Variants in SMURF2 observed in about 807,000 individuals in gnomAD.
The protein encoded by SMURF2 is SMAD specific E3 ubiquitin protein ligase 2.
In SMURF2, 48 loss-of-function variants were observed where a neutral mutation model predicts 109.6. The ratio of observed to expected loss-of-function variants is 0.44; its 90% CI spans 0.35 to 0.56. The LOEUF is 0.56. SMURF2 is among the 20% of genes least tolerant of loss of function. SMURF2 has a pLI of 0.01. For missense variants in SMURF2, 575 were observed against 909.0 expected (o/e 0.63, Z 4.72); for synonymous variants, 288 against 317.1 (o/e 0.91, Z 0.97).
chr17:64,617,008 A>AC (rs1970132870), intron 1 of SMURF2, among the ~76,000 whole-genome samples: 1 of 145,696 alleles, frequency 6.9e-6, no homozygotes. Flanking sequence ...CTGAGCCTGC[A>AC]GTAAGCCATG....
intron 1 of SMURF2, among the ~76,000 whole-genome samples, chr17:64,635,091 C>A (rs1255598370): frequency 3.3e-5 from 5 of 152,042 alleles, no homozygotes; most frequent in African/African-American, 1.2e-4. Context: ...CTTTGGGAGG[C>A]CAGGGTGAGT....
In SMURF2 at chr17:64,583,592, A is replaced by G. The variant is rs782760765; in HGVS notation, c.486-48T>C. On this transcript the variant is annotated intron_variant, in intron 6 of 18. Coordinates refer to ENST00000262435, the MANE Select transcript of SMURF2 (RefSeq NM_022739.4). ...TAAGGCATTAATAGGAAACTTGGACACAGTGCAACAAGCAAGCCAGTAAGA... is the reference window on the plus strand; with the variant it reads ...TAAGGCATTAATAGGAAACTTGGACGCAGTGCAACAAGCAAGCCAGTAAGA... 4.9e-6 allele frequency: 7 copies of G among 1,420,268 alleles called. No homozygotes were observed. The African/African-American group carries it at 9.8e-5, about 20-fold the overall frequency. 88.0% of individuals were successfully genotyped at this position (1,420,268 alleles called of 1,614,324 possible).
intron 1 of SMURF2, among the ~76,000 whole-genome samples, chr17:64,659,441 C>T (rs1225195532): frequency 6.6e-6 from 1 of 151,610 alleles, no homozygotes; most frequent in African/African-American, 2.4e-5. Flanking sequence ...TTAGGCAACC[C>T]AGATCTAAAT....
chr17:64,544,013 T>C lies in SMURF2; in HGVS notation c.*1835A>G, dbSNP rs1174460402. 1 of 152,216 alleles carries C rather than the reference T, an allele frequency of 6.6e-6. No homozygotes were observed. Among genetic ancestry groups the C allele is most frequent in the Non-Finnish European group, 1.5e-5 (1 of 68,034 alleles). The allele number at this position is 152,216 out of a possible 1,614,324, so 9.4% of individuals were successfully genotyped here. On this transcript the variant is annotated 3_prime_UTR_variant, in exon 19 of 19. Coordinates refer to ENST00000262435, the MANE Select transcript of SMURF2 (RefSeq NM_022739.4). The stretch of plus-strand genomic sequence containing the variant: ...ACTATGACTAGCTTGCTTGTGGCAG[T>C]TGAATTTGGCCAAATGAAATACATT...
rs570803272 is a variant in SMURF2 at position 64,619,768 on chromosome 17, C to T, written c.53-13128G>A. ...ACTAATCCTATTCATGAAGGCTCCA[C>T]CCTCATGACCTCATTACCTCCCAAA... On this transcript the variant is annotated intron_variant, in intron 1 of 18. Coordinates refer to ENST00000262435, the MANE Select transcript of SMURF2 (RefSeq NM_022739.4). Among the ~76,000 whole-genome samples, 54 of 152,146 alleles carry T rather than the reference C, an allele frequency of 3.5e-4. 1 individual carries two copies. Among genetic ancestry groups the T allele is most frequent in the African/African-American group, 1.3e-3 (53 of 41,516 alleles).
chr17:64,595,532 G>A (rs1204078235), intron 3 of SMURF2, among the ~76,000 whole-genome samples: 1 of 152,176 alleles, frequency 6.6e-6, no homozygotes, highest in African/African-American at 2.4e-5. Flanking sequence ...AGGATGTTTT[G>A]TTGAAAGGGA....
intron 1 of SMURF2, among the ~76,000 whole-genome samples, chr17:64,655,685 G>A (rs868021767): frequency 8.2e-4 from 125 of 151,994 alleles, no homozygotes; most frequent in African/African-American, 2.7e-3. Context: ...TCAGGAGTTC[G>A]AGACCAATCT....
intron 1 of SMURF2, among the ~76,000 whole-genome samples, chr17:64,642,506 G>C (rs1555692656): frequency 6.6e-6 from 1 of 152,134 alleles, no homozygotes; most frequent in Non-Finnish European, 1.5e-5. Flanking sequence ...AAACAAAAAT[G>C]AGTGAGCCAT....
chr17:64,594,818 C>G (rs1555687952), intron 3 of SMURF2, among the ~76,000 whole-genome samples: 2 of 152,062 alleles, frequency 1.3e-5, no homozygotes. Flanking sequence ...GAAACCCTGT[C>G]TCTACTAAAA....
chr17:64,615,304 C>G (rs1488616293), intron 1 of SMURF2, among the ~76,000 whole-genome samples: 1 of 152,144 alleles, frequency 6.6e-6, no homozygotes, highest in Non-Finnish European at 1.5e-5. Flanking sequence ...TTCCTTCACC[C>G]CACAAAAAGA....
rs189977353 is a variant in SMURF2, at chr17:64,628,300, G to A, written c.53-21660C>T. 2.6e-5 allele frequency among the ~76,000 whole-genome samples: 4 copies of A among 152,220 alleles called. No individual in the cohort carries two copies. The East Asian group carries it at 7.7e-4, about 29-fold the overall frequency. On this transcript the variant is annotated intron_variant, in intron 1 of 18. Transcript: ENST00000262435. ...AAGAGAATACTCAGAAAACTCAAAC[G>A]TTTGGACCAGATTCAAAGGCTGGAG...
intron 11 of SMURF2, 135 bp downstream of exon 11, chr17:64,562,636 C>T (rs1473036820): frequency 2.5e-6 from 2 of 790,194 alleles, no homozygotes; most frequent in Non-Finnish European, 3.9e-6. Context: ...CCTCAGCCTC[C>T]CAAAGTGCTG....
chr17:64,613,672 C>CTGTGTGTG lies in SMURF2; in HGVS notation c.53-7033_53-7032insCACACACA, dbSNP rs1568195473. ...CATGGAAGACAAGTTTTCCACGGACCAGTGTGTGTGTGTGTGTGTGTGTGT... is the reference window on the plus strand; with the variant it reads ...CATGGAAGACAAGTTTTCCACGGACCTGTGTGTGAGTGTGTGTGTGTGTGTGTGTGTGT... On this transcript the variant is annotated intron_variant, in intron 1 of 18. Transcript: ENST00000262435. Among the ~76,000 whole-genome samples, 8 of 53,690 alleles carry CTGTGTGTG rather than the reference C, an allele frequency of 1.5e-4. No individual in the cohort carries two copies. In the Admixed American group the frequency reaches 1.8e-3, roughly 12 times the overall value. 35.2% of individuals were successfully genotyped at this position (53,690 alleles called of 152,430 possible). A position where few individuals can be genotyped will look rare whatever the true frequency, so the allele number is the denominator to read the frequency against.
intron 1 of SMURF2, among the ~76,000 whole-genome samples, chr17:64,658,374 A>G (rs916109937): frequency 5.3e-5 from 8 of 152,236 alleles, no homozygotes; most frequent in African/African-American, 1.9e-4. Context: ...TAAAGTCATT[A>G]TGATGTATAG....
At chr17:64,591,475 C>T (rs1403851765) in intron 4 of SMURF2, among the ~76,000 whole-genome samples, 1 of 152,136 alleles carries the variant, frequency 6.6e-6, no homozygotes, top group Non-Finnish European at 1.5e-5. Flanking sequence ...GCCAAACTCT[C>T]AGCATAGTGC....
At chr17:64,576,453 C>T (rs1308549911) in intron 9 of SMURF2, among the ~76,000 whole-genome samples, 1 of 151,924 alleles carries the variant, frequency 6.6e-6, no homozygotes, top group Non-Finnish European at 1.5e-5. Context: ...CACCTGAGGT[C>T]AGGTGCTCAA....
chr17:64,544,271 CCTCTT>C lies in SMURF2; in HGVS notation c.*1572_*1576del, dbSNP rs1476184589. 9 of 152,080 alleles carry C rather than the reference CCTCTT, an allele frequency of 5.9e-5. No individual in the cohort carries two copies. The highest frequency in any genetic ancestry group is 2.2e-4 in the African/African-American group (9 of 41,392). The allele number at this position is 152,080 out of a possible 1,614,324, so 9.4% of individuals were successfully genotyped here. ...TTCCCCCTCGCTCCCTCTCATTGCC[CCTCTT>C]CTCTTAAACCATTACTCCTGAGGCA... On this transcript the variant is annotated 3_prime_UTR_variant, in exon 19 of 19. Transcript: ENST00000262435.
At position 64,581,358 on chromosome 17, in the gene SMURF2, C is replaced by G. The variant is rs1172393887; in HGVS notation, c.570-367G>C. On this transcript the variant is annotated intron_variant, in intron 7 of 18. Transcript: ENST00000262435. The surrounding 1 kb of genome is among the most constrained non-coding windows in gnomAD (Gnocchi z 4.3). ...CCTCCCACTCTGCTTCAGCCACACTCATATTCTTCCTGTTCCTTGAACTTG... is the reference window on the plus strand; with the variant it reads ...CCTCCCACTCTGCTTCAGCCACACTGATATTCTTCCTGTTCCTTGAACTTG... 1.3e-5 allele frequency among the ~76,000 whole-genome samples: 2 copies of G among 152,204 alleles called. No homozygotes were observed. Among genetic ancestry groups the G allele is most frequent in the Non-Finnish European group, 1.5e-5 (1 of 68,034 alleles).
chr17:64,597,730 G>A (rs1969837854), intron 3 of SMURF2, among the ~76,000 whole-genome samples: 1 of 149,966 alleles, frequency 6.7e-6, no homozygotes. Context: ...CCGAGATGGT[G>A]CCACTGCACT....
Sources: gnomAD v4.1 joint callset for allele counts (sites outside exome capture counted in the v4.1 genomes callset) on GRCh38, gnomAD v4.1.1 for gene constraint, Gnocchi (gnomAD v3.1) non-coding constraint, MANE v1.5 for transcripts, NCBI Gene and HGNC (gene_info 2026-07-23, HGNC 2026-07-21) for gene names.